Variants in CDH12 observed in about 807,000 individuals in gnomAD.
CDH12 encodes the protein cadherin-12.
Under a neutral mutation model 74.1 loss-of-function variants are expected in CDH12, and 41 were observed. The ratio of observed to expected loss-of-function variants is 0.55; its 90% confidence interval spans 0.43 to 0.72. The LOEUF (loss-of-function observed/expected upper bound fraction) is 0.72, where lower values mean the gene tolerates loss of function less well. Ranked by LOEUF, CDH12 falls within the 30% of genes least tolerant of loss-of-function variation. The pLI, the probability that CDH12 is intolerant of heterozygous loss-of-function variation, is 0.00. For missense variants in CDH12, 945 were observed against 977.2 expected (o/e 0.97, Z 0.44); for synonymous variants, 399 against 355.0 (o/e 1.12, Z -1.39).
intron 6 of CDH12, among the ~76,000 whole-genome samples, chr5:21,913,778 C>T (rs1210754011): frequency 2.0e-5 from 3 of 151,954 alleles, no homozygotes; most frequent in Admixed American, 1.3e-4. Flanking sequence ...TGAGCACAAG[C>T]GAGCCTCCCA....
chr5:22,351,985 C>T (rs1197346181), intron 3 of CDH12, among the ~76,000 whole-genome samples: 4 of 152,142 alleles, frequency 2.6e-5, no homozygotes, highest in Non-Finnish European at 5.9e-5. Context: ...TAAATTTTAT[C>T]TCACTGTCAT....
intron 5 of CDH12, among the ~76,000 whole-genome samples, chr5:21,982,890 TTGTC>T (rs1432273962): frequency 6.6e-6 from 1 of 152,046 alleles, no homozygotes; most frequent in African/African-American, 2.4e-5. Context: ...CGTAACATCT[TTGTC>T]TGTTAGTGGT....
intron 4 of CDH12, among the ~76,000 whole-genome samples, chr5:22,112,142 C>G (rs992502445): frequency 1.3e-5 from 2 of 151,782 alleles, no homozygotes; most frequent in Admixed American, 6.6e-5. Context: ...TATAGCAAAT[C>G]AAAATATTTT....
At chr5:22,603,997 G>A (rs981941045) in intron 1 of CDH12, among the ~76,000 whole-genome samples, 3 of 152,180 alleles carry the variant, frequency 2.0e-5, no homozygotes, top group Admixed American at 6.5e-5. Flanking sequence ...TGTAGTGGGC[G>A]ACAGCCAAGG....
At chr5:21,928,500 A>G (rs1754692762) in intron 6 of CDH12, among the ~76,000 whole-genome samples, 1 of 152,212 alleles carries the variant, frequency 6.6e-6, no homozygotes, top group Admixed American at 6.5e-5. Flanking sequence ...GATGTATTGC[A>G]TGTTCCAAAG....
intron 1 of CDH12, among the ~76,000 whole-genome samples, chr5:22,534,036 A>AT (rs915893215): frequency 1.3e-5 from 2 of 152,046 alleles, no homozygotes; most frequent in African/African-American, 4.8e-5. Flanking sequence ...CAATGAAAAA[A>AT]TTTTTAATTG....
chr5:22,320,073 G>C (rs1185779113), intron 3 of CDH12, among the ~76,000 whole-genome samples: 1 of 152,090 alleles, frequency 6.6e-6, no homozygotes, highest in Non-Finnish European at 1.5e-5. Flanking sequence ...AACCCACTTA[G>C]GTCCTCCCTT....
At chr5:22,170,725 C>T (rs532441152) in intron 4 of CDH12, among the ~76,000 whole-genome samples, 1 of 151,778 alleles carries the variant, frequency 6.6e-6, no homozygotes, top group African/African-American at 2.4e-5. Context: ...ACAATCTAAC[C>T]TCTGGCAGCA....
At chr5:22,403,368 G>T (rs1348001012) in intron 3 of CDH12, among the ~76,000 whole-genome samples, 1 of 152,156 alleles carries the variant, frequency 6.6e-6, no homozygotes, top group Admixed American at 6.6e-5. Flanking sequence ...TGCACCAAAG[G>T]AGTCTGCTCC....
intron 8 of CDH12, among the ~76,000 whole-genome samples, chr5:21,834,246 T>C (rs1749405344): frequency 6.6e-6 from 1 of 151,880 alleles, no homozygotes; most frequent in African/African-American, 2.4e-5. Flanking sequence ...ACACAATTCA[T>C]ATAACATATA....
At chr5:21,858,340 C>T (rs1193559781) in intron 6 of CDH12, among the ~76,000 whole-genome samples, 2 of 151,828 alleles carry the variant, frequency 1.3e-5, no homozygotes, top group African/African-American at 4.8e-5. Flanking sequence ...CATAATAAAA[C>T]TCTGATAGAC....
intron 1 of CDH12, among the ~76,000 whole-genome samples, chr5:22,829,722 C>T (rs1736497940): frequency 2.0e-5 from 3 of 152,186 alleles, no homozygotes; most frequent in African/African-American, 7.2e-5. Context: ...GCCACTTATG[C>T]ATCCCCAGAA....
intron 1 of CDH12, among the ~76,000 whole-genome samples, chr5:22,522,423 T>C (rs759037153): frequency 6.6e-6 from 1 of 152,220 alleles, no homozygotes; most frequent in Admixed American, 6.5e-5. Context: ...ATTGCTCTGG[T>C]ATATTTAAGT....
At chr5:22,780,841 A>G (rs1394169987) in intron 1 of CDH12, among the ~76,000 whole-genome samples, 1 of 152,174 alleles carries the variant, frequency 6.6e-6, no homozygotes, top group African/African-American at 2.4e-5. Flanking sequence ...GAACTTTTCC[A>G]AATACTTGTG....
At chr5:22,051,245 A>C (rs1157846312) in intron 5 of CDH12, among the ~76,000 whole-genome samples, 1 of 152,148 alleles carries the variant, frequency 6.6e-6, no homozygotes, top group Admixed American at 6.6e-5. Flanking sequence ...TCCAACTCTA[A>C]GCCTGTTCCA....
chr5:22,066,855 C>T (rs1392944085), intron 5 of CDH12, among the ~76,000 whole-genome samples: 1 of 152,190 alleles, frequency 6.6e-6, no homozygotes, highest in East Asian at 1.9e-4. Flanking sequence ...TTGGGCATGA[C>T]AGTGGATTAT....
intron 5 of CDH12, among the ~76,000 whole-genome samples, chr5:22,064,696 A>C (rs1741440401): frequency 6.6e-6 from 1 of 152,186 alleles, no homozygotes; most frequent in Non-Finnish European, 1.5e-5. Flanking sequence ...TTAATGTATA[A>C]AATGGGCTGG....
At chr5:22,122,218 C>T (rs1745557841) in intron 4 of CDH12, among the ~76,000 whole-genome samples, 1 of 152,070 alleles carries the variant, frequency 6.6e-6, no homozygotes, top group Non-Finnish European at 1.5e-5. Context: ...GCCTGGCCAA[C>T]ATGGTGAAAC....
intron 6 of CDH12, among the ~76,000 whole-genome samples, chr5:21,968,696 TG>T (rs1353514109): frequency 3.9e-5 from 6 of 152,314 alleles, no homozygotes; most frequent in African/African-American, 1.4e-4. Flanking sequence ...GTTTTGCCAC[TG>T]TATTTTTGGT....
Sources: allele counts gnomAD v4.1 joint callset (sites outside exome capture counted in the v4.1 genomes callset), GRCh38; gene constraint gnomAD v4.1.1; transcripts MANE v1.5; gene names NCBI Gene and HGNC (gene_info 2026-07-23, HGNC 2026-07-21).